The following KIFAP3 variants were observed in gnomAD, a reference collection of about 807,000 sequenced individuals.
KIFAP3 encodes the protein kinesin associated protein 3.
KIFAP3 carries 68 observed loss-of-function variants against 106.5 expected under a neutral mutation model. That is an observed-to-expected ratio of 0.64 (90% confidence interval 0.53 to 0.78). KIFAP3 has a LOEUF of 0.78. Among genes scored for constraint, KIFAP3 ranks in the 30% least tolerant of loss-of-function variants. The pLI is 0.00. For missense variants in KIFAP3, 780 were observed against 941.8 expected, an observed-to-expected ratio of 0.83 and a Z score of 2.25; for synonymous variants, 320 against 311.5, an observed-to-expected ratio of 1.03 and a Z score of -0.29.
intron 3 of KIFAP3, among the ~76,000 whole-genome samples, chr1:170,045,149 TGAG>T (rs1264659709): frequency 6.6e-6 from 1 of 152,224 alleles, no homozygotes; most frequent in Non-Finnish European, 1.5e-5. Flanking sequence ...CAGACTGCTT[TGAG>T]GAGTTGACAT....
chr1:170,022,386 T>A (rs1276311401), intron 9 of KIFAP3, among the ~76,000 whole-genome samples: 1 of 152,120 alleles, frequency 6.6e-6, no homozygotes, highest in South Asian at 2.1e-4. Context: ...TTTCTGGAAA[T>A]TAACATTTAA....
intron 15 of KIFAP3, among the ~76,000 whole-genome samples, 194 bp from the exon 16 acceptor site, chr1:169,978,377 T>C (rs895772437): frequency 6.6e-6 from 1 of 152,048 alleles, no homozygotes; most frequent in African/African-American, 2.4e-5. Flanking sequence ...ATCATAAGAA[T>C]TCTTTAAAGA....
chr1:169,925,650 A>G lies in KIFAP3; in HGVS notation c.2274-3869T>C, dbSNP rs994393822. Among the ~76,000 whole-genome samples, 125 of 152,216 alleles carry G rather than the reference A, an allele frequency of 8.2e-4. 1 individual carries two copies. The highest frequency in any genetic ancestry group is 2.9e-3 in the African/African-American group (119 of 41,546). On this transcript the variant is annotated intron_variant, in intron 19 of 19. Transcript: ENST00000361580. Reference sequence around the variant, plus strand: ...TCAGAGCAGGAACAAAGAAATCTGGAAATGACAAGTGATGCTTCACATGCA... The same window carrying G: ...TCAGAGCAGGAACAAAGAAATCTGGGAATGACAAGTGATGCTTCACATGCA...
intron 9 of KIFAP3, among the ~76,000 whole-genome samples, chr1:170,023,186 T>C (rs1023128911): frequency 3.3e-5 from 5 of 152,056 alleles, no homozygotes; most frequent in Admixed American, 1.3e-4. Flanking sequence ...AACATAAATA[T>C]ATACTGATAA....
intron 7 of KIFAP3, among the ~76,000 whole-genome samples, chr1:170,032,402 TCAGA>T (rs1227398713): frequency 1.3e-5 from 2 of 151,764 alleles, no homozygotes; most frequent in Non-Finnish European, 3.0e-5. Context: ...GGATTTTACT[TCAGA>T]CAGATGCCCA....
chr1:170,064,788 CTTT>C (rs1174694973), intron 1 of KIFAP3, among the ~76,000 whole-genome samples: 5 of 152,160 alleles, frequency 3.3e-5, no homozygotes, highest in African/African-American at 9.7e-5. Flanking sequence ...TATTGTTCTT[CTTT>C]AATTCATAAA....
chr1:170,053,332 A>G (rs1670670003), intron 2 of KIFAP3, among the ~76,000 whole-genome samples: 1 of 152,206 alleles, frequency 6.6e-6, no homozygotes, highest in Non-Finnish European at 1.5e-5. Context: ...CTGCTTCTCA[A>G]GAAAATAAGA....
At chr1:169,958,588 G>A (rs1272883783) in intron 18 of KIFAP3, among the ~76,000 whole-genome samples, 1 of 152,010 alleles carries the variant, frequency 6.6e-6, no homozygotes, top group African/African-American at 2.4e-5. Context: ...GAAATACATA[G>A]GTAGTATGAA....
upstream of KIFAP3, among the ~76,000 whole-genome samples, chr1:170,077,641 A>C (rs1047251621): frequency 6.6e-6 from 1 of 152,216 alleles, no homozygotes; most frequent in Admixed American, 6.5e-5. Context: ...CTCTTAAGTC[A>C]TATAATTACC....
chr1:169,936,041 C>T (rs564765251), intron 19 of KIFAP3, among the ~76,000 whole-genome samples: 13 of 151,886 alleles, frequency 8.6e-5, no homozygotes, highest in African/African-American at 2.9e-4. Context: ...CCAGACATCG[C>T]CTCCATTTTC....
rs563056998 is a variant in KIFAP3 at position 169,942,430 on chromosome 1, T to C, written c.2273+11581A>G. Among the ~76,000 whole-genome samples, 6 of 152,340 alleles carry C rather than the reference T, an allele frequency of 3.9e-5. No individual in the cohort carries two copies. The South Asian group carries it at 6.2e-4, about 16-fold the overall frequency. On this transcript the variant is annotated intron_variant, in intron 19 of 19. Transcript: ENST00000361580. ...AGTTTATTCACATTTTAAATCTTTC[T>C]TCCAAGTTTGGCCTGCAACCACTTG...
intron 5 of KIFAP3, 88 bp downstream of exon 5, chr1:170,038,202 A>G (rs1669783398): frequency 3.0e-6 from 3 of 1,012,668 alleles, no homozygotes; most frequent in Non-Finnish European, 4.2e-6. Context: ...AGAAATAAAG[A>G]GCTGGAAAAT....
At chr1:169,924,041 C>A (rs1474075143) in intron 19 of KIFAP3, among the ~76,000 whole-genome samples, 1 of 152,086 alleles carries the variant, frequency 6.6e-6, no homozygotes, top group Non-Finnish European at 1.5e-5. Context: ...ACTGTAATTT[C>A]CCATGTAATT....
chr1:169,983,730 T>C (rs974900356), intron 12 of KIFAP3, among the ~76,000 whole-genome samples: 2 of 151,874 alleles, frequency 1.3e-5, no homozygotes, highest in African/African-American at 2.4e-5. Flanking sequence ...CAATATCTAC[T>C]ACAAATGTTA....
chr1:169,967,196 G>A (rs760914128), intron 17 of KIFAP3, among the ~76,000 whole-genome samples: 29 of 151,698 alleles, frequency 1.9e-4, no homozygotes, highest in Non-Finnish European at 3.8e-4. Context: ...TTTATTAAAG[G>A]GTCATTTGCA....
intron 16 of KIFAP3, among the ~76,000 whole-genome samples, chr1:169,974,814 A>C (rs1395045704): frequency 6.6e-6 from 1 of 151,878 alleles, no homozygotes; most frequent in Non-Finnish European, 1.5e-5. Context: ...TTATTAGAAA[A>C]ATCTTTAAAA....
intron 11 of KIFAP3, among the ~76,000 whole-genome samples, chr1:169,985,693 A>G (rs1456702524): frequency 1.3e-5 from 2 of 151,904 alleles, no homozygotes; most frequent in Non-Finnish European, 2.9e-5. Context: ...AGGAACTGGC[A>G]TATATGGTTG....
chr1:169,975,927 A>G (rs1370621682), intron 16 of KIFAP3, among the ~76,000 whole-genome samples: 1 of 152,192 alleles, frequency 6.6e-6, no homozygotes, highest in African/African-American at 2.4e-5. Context: ...AATCTTTAGG[A>G]CAACTATTCA....
chr1:170,055,611 T>G (rs1670805933), intron 1 of KIFAP3, among the ~76,000 whole-genome samples, 175 bp from the exon 2 acceptor site: 1 of 152,152 alleles, frequency 6.6e-6, no homozygotes, highest in African/African-American at 2.4e-5. Context: ...CATATATATG[T>G]ATATATGTGT....
Sources: allele counts gnomAD v4.1 joint callset (sites outside exome capture counted in the v4.1 genomes callset), GRCh38; gene constraint gnomAD v4.1.1; transcripts MANE v1.5; gene names NCBI Gene and HGNC (gene_info 2026-07-23, HGNC 2026-07-21).